Variants in LRRC4C observed in about 807,000 individuals in gnomAD.
The protein encoded by LRRC4C is leucine rich repeat containing 4C.
In LRRC4C, 5 loss-of-function variants were observed where a neutral mutation model predicts 33.6. That is an observed-to-expected ratio of 0.15 (90% CI 0.08 to 0.31). LRRC4C has a LOEUF of 0.31. LRRC4C is among the 10% of genes least tolerant of loss of function. LRRC4C has a pLI of 1.00. For synonymous variants in LRRC4C, 329 were observed against 302.0 expected, an observed-to-expected ratio of 1.09 and a Z score of -0.93; for missense variants, 560 against 796.7, an observed-to-expected ratio of 0.70 and a Z score of 3.58.
intron 3 of LRRC4C, among the ~76,000 whole-genome samples, chr11:40,455,466 T>A (rs1952087731): frequency 6.6e-6 from 1 of 152,196 alleles, no homozygotes; most frequent in African/African-American, 2.4e-5. Context: ...CTCTGTTGAT[T>A]TCAGTGATAG....
At chr11:41,091,813 G>T (rs1451211383) in intron 1 of LRRC4C, among the ~76,000 whole-genome samples, 2 of 152,108 alleles carry the variant, frequency 1.3e-5, no homozygotes, top group Non-Finnish European at 2.9e-5. Flanking sequence ...TGTAATTTAA[G>T]TTGGACCAAT....
Position 41,445,256 on chromosome 11 carries a change from T to C in LRRC4C, c.-496+14175A>G, listed in dbSNP as rs140638458. Among the ~76,000 whole-genome samples the C allele has an allele frequency of 9.3e-3, 1,421 of 152,294 alleles. 83 individuals carry two copies. The highest frequency in any genetic ancestry group is 0.074 in the Admixed American group (1,135 of 15,292). ...TCTGCATAATGAAAACACTGTAATC[T>C]CTCAAGAAATATCTCATAAAGAGTG... On this transcript the variant is annotated intron_variant, in intron 1 of 6. Coordinates refer to ENST00000528697, the MANE Select transcript of LRRC4C (RefSeq NM_001258419.2).
At chr11:40,196,568 A>T (rs1862278257) in intron 5 of LRRC4C, among the ~76,000 whole-genome samples, 1 of 152,182 alleles carries the variant, frequency 6.6e-6, no homozygotes, top group Admixed American at 6.6e-5. Flanking sequence ...ATGCACACAC[A>T]CATTCATATA....
chr11:40,229,504 C>A (rs748975912), intron 5 of LRRC4C, among the ~76,000 whole-genome samples: 1 of 152,058 alleles, frequency 6.6e-6, no homozygotes, highest in Non-Finnish European at 1.5e-5. Context: ...AACTCCTGAC[C>A]TCAAATAATC....
intron 1 of LRRC4C, among the ~76,000 whole-genome samples, chr11:41,417,001 T>C (rs1954707787): frequency 6.6e-6 from 1 of 152,022 alleles, no homozygotes. Flanking sequence ...GGAAAGCATT[T>C]TGGCATTTCC....
At chr11:40,474,337 T>A (rs1202350520) in intron 3 of LRRC4C, among the ~76,000 whole-genome samples, 1 of 152,124 alleles carries the variant, frequency 6.6e-6, no homozygotes, top group Non-Finnish European at 1.5e-5. Context: ...GGGGAAAAGA[T>A]TCCCTATTTA....
chr11:40,916,891 T>G (rs1956985948), intron 2 of LRRC4C, among the ~76,000 whole-genome samples: 1 of 152,080 alleles, frequency 6.6e-6, no homozygotes, highest in Non-Finnish European at 1.5e-5. Flanking sequence ...TTATCAATGT[T>G]ACATGAATTT....
chr11:41,376,971 G>T (rs1175042253), intron 1 of LRRC4C, among the ~76,000 whole-genome samples: 2 of 152,020 alleles, frequency 1.3e-5, no homozygotes, highest in Non-Finnish European at 2.9e-5. Flanking sequence ...AGAGAAAAGG[G>T]CTTCAACTAA....
chr11:40,504,997 A>G (rs752968929), intron 3 of LRRC4C, among the ~76,000 whole-genome samples: 26 of 152,296 alleles, frequency 1.7e-4, no homozygotes, highest in Admixed American at 1.0e-3. Context: ...TTCAGGCTCA[A>G]GTCTTCTAGT....
At chr11:40,166,301 T>G (rs1187630424) in intron 5 of LRRC4C, among the ~76,000 whole-genome samples, 1 of 152,160 alleles carries the variant, frequency 6.6e-6, no homozygotes, top group African/African-American at 2.4e-5. Context: ...TCTGTAGCCT[T>G]ACAAAAATAC....
chr11:40,496,107 G>C (rs1405901134), intron 3 of LRRC4C, among the ~76,000 whole-genome samples: 2 of 152,128 alleles, frequency 1.3e-5, no homozygotes, highest in Non-Finnish European at 2.9e-5. Context: ...TAGGATTACA[G>C]TCATGAGCCA....
At chr11:40,916,589 C>A (rs1197120627) in intron 2 of LRRC4C, among the ~76,000 whole-genome samples, 2 of 152,002 alleles carry the variant, frequency 1.3e-5, no homozygotes, top group Admixed American at 1.3e-4. Flanking sequence ...GGAGATATAT[C>A]TAATGTTAAA....
chr11:41,263,084 T>C (rs1486712009), intron 1 of LRRC4C, among the ~76,000 whole-genome samples: 1 of 152,126 alleles, frequency 6.6e-6, no homozygotes, highest in African/African-American at 2.4e-5. Context: ...ACGAGGTCAA[T>C]AGATTTTCAT....
chr11:40,712,157 A>T (rs1339536395), intron 2 of LRRC4C, among the ~76,000 whole-genome samples: 1 of 152,190 alleles, frequency 6.6e-6, no homozygotes. Context: ...TTGCAATATC[A>T]TTGACAAATG....
chr11:40,405,491 G>T (rs1241457471), intron 3 of LRRC4C, among the ~76,000 whole-genome samples: 1 of 151,002 alleles, frequency 6.6e-6, no homozygotes, highest in African/African-American at 2.4e-5. Context: ...ATAAAAATTA[G>T]CTGGTCATGG....
intron 1 of LRRC4C, among the ~76,000 whole-genome samples, chr11:41,066,350 G>A (rs908883566): frequency 1.3e-5 from 2 of 152,122 alleles, no homozygotes; most frequent in Non-Finnish European, 2.9e-5. Flanking sequence ...AATAAGGCAT[G>A]CAGACCAGAT....
chr11:40,659,582 G>A (rs1370393286), intron 2 of LRRC4C, among the ~76,000 whole-genome samples: 1 of 152,178 alleles, frequency 6.6e-6, no homozygotes, highest in Non-Finnish European at 1.5e-5. Flanking sequence ...GACTCACAGA[G>A]ATGTTGAGAC....
chr11:40,634,450 GA>G (rs1963774692), intron 3 of LRRC4C, among the ~76,000 whole-genome samples: 1 of 152,096 alleles, frequency 6.6e-6, no homozygotes, highest in South Asian at 2.1e-4. Flanking sequence ...AATGATCTAT[GA>G]AAAACTACCA....
intron 2 of LRRC4C, among the ~76,000 whole-genome samples, chr11:40,738,112 C>T (rs1947976556): frequency 6.6e-6 from 1 of 152,148 alleles, no homozygotes; most frequent in Non-Finnish European, 1.5e-5. Flanking sequence ...CCAAAACAAG[C>T]AATGGGGAAA....
Sources: gnomAD v4.1 joint callset for allele counts (sites outside exome capture counted in the v4.1 genomes callset) on GRCh38, gnomAD v4.1.1 for gene constraint, MANE v1.5 for transcripts, NCBI Gene and HGNC (gene_info 2026-07-23, HGNC 2026-07-21) for gene names.